The following ATP6V1A variants were observed in gnomAD, a reference collection of about 807,000 sequenced individuals.
ATP6V1A encodes the protein V-type proton ATPase catalytic subunit A.
ATP6V1A carries 18 observed loss-of-function variants against 70.1 expected under a neutral mutation model. The ratio of observed to expected loss-of-function variants is 0.26; its 90% CI spans 0.18 to 0.38. ATP6V1A has a LOEUF of 0.38. Ranked by LOEUF, ATP6V1A falls within the 10% of genes least tolerant of loss-of-function variation. ATP6V1A has a pLI of 1.00. For missense variants in ATP6V1A, 424 were observed against 772.4 expected, an observed-to-expected ratio of 0.55 and a Z score of 5.35; for synonymous variants, 232 against 253.8, an observed-to-expected ratio of 0.91 and a Z score of 0.82.
intron 1 of ATP6V1A, among the ~76,000 whole-genome samples, chr3:113,758,366 A>G (rs1025790397): frequency 1.7e-4 from 26 of 152,232 alleles, no homozygotes; most frequent in African/African-American, 6.0e-4. Flanking sequence ...TGTAATCAAT[A>G]TAGTGAACAT....
chr3:113,753,759 T>G (rs1708616262), intron 1 of ATP6V1A, among the ~76,000 whole-genome samples: 2 of 150,948 alleles, frequency 1.3e-5, no homozygotes, highest in South Asian at 4.2e-4. Flanking sequence ...GTACTGGTGC[T>G]GTCTTGGCTC....
intron 3 of ATP6V1A, among the ~76,000 whole-genome samples, chr3:113,783,756 A>G (rs968609371): frequency 1.3e-5 from 2 of 152,210 alleles, no homozygotes; most frequent in Non-Finnish European, 2.9e-5. Context: ...CAATGATGTC[A>G]TATCTTTGCA....
At chr3:113,778,677 A>T in intron 1 of ATP6V1A, 64 bp from the exon 2 acceptor site, 1 of 894,098 alleles carries the variant, frequency 1.1e-6, no homozygotes. Context: ...TGGACTACCT[A>T]TATTTTGGGT....
Position 113,803,789 on chromosome 3 carries a change from T to G in ATP6V1A, c.1589+112T>G. On this transcript the variant is annotated intron_variant, in intron 13 of 14. Transcript: ENST00000273398. ...CTCATACAGGCTCATACACTCTGAC[T>G]TAGTAGATTGGTTTATTTGTATATT... 3 of 728,046 alleles carry G rather than the reference T, an allele frequency of 4.1e-6. No homozygotes were observed. In the East Asian group the frequency reaches 7.7e-5, roughly 19 times the overall value. 45.1% of individuals were successfully genotyped at this position (728,046 alleles called of 1,614,324 possible).
At chr3:113,770,974 A>T (rs1323332407) in intron 1 of ATP6V1A, among the ~76,000 whole-genome samples, 1 of 151,888 alleles carries the variant, frequency 6.6e-6, no homozygotes, top group Non-Finnish European at 1.5e-5. Flanking sequence ...GCATGCCTGT[A>T]ATTCCAGCTA....
At chr3:113,776,168 G>A (rs949572918) in intron 1 of ATP6V1A, among the ~76,000 whole-genome samples, 1 of 152,100 alleles carries the variant, frequency 6.6e-6, no homozygotes, top group Non-Finnish European at 1.5e-5. Flanking sequence ...AGGCCAATCT[G>A]GGCAACATGG....
intron 12 of ATP6V1A, among the ~76,000 whole-genome samples, chr3:113,800,773 A>T (rs529612966): frequency 4.6e-5 from 7 of 152,312 alleles, no homozygotes; most frequent in African/African-American, 1.7e-4. Context: ...TGATTACATA[A>T]AAAGTAAGCA....
chr3:113,803,696 CT>C lies in ATP6V1A; in HGVS notation c.1589+26del, dbSNP rs1319521018. The C allele has an allele frequency of 1.9e-6, 3 of 1,559,276 alleles. No homozygotes were observed. The highest frequency in any genetic ancestry group is 1.2e-5 in the South Asian group (1 of 85,578). ...ATGACAGGTAAGCTATATTGATTTCCTTTTTTTATTTGAGGATTTTCTGTTG... is the reference window on the plus strand; with the variant it reads ...ATGACAGGTAAGCTATATTGATTTCCTTTTTTATTTGAGGATTTTCTGTTG... On this transcript the variant is annotated intron_variant, in intron 13 of 14. Coordinates refer to ENST00000273398, the MANE Select transcript of ATP6V1A (RefSeq NM_001690.4).
chr3:113,767,825 G>A (rs1054345384), intron 1 of ATP6V1A, among the ~76,000 whole-genome samples: 1 of 152,018 alleles, frequency 6.6e-6, no homozygotes, highest in Non-Finnish European at 1.5e-5. Context: ...TAATGTTTTT[G>A]TATTTTTAGT....
intron 1 of ATP6V1A, among the ~76,000 whole-genome samples, chr3:113,764,675 T>C (rs186996333): frequency 2.6e-5 from 4 of 152,344 alleles, no homozygotes; most frequent in African/African-American, 9.6e-5. Context: ...TTGTTTTTTC[T>C]TTGTAACCTG....
At chr3:113,777,081 A>G (rs1011129220) in intron 1 of ATP6V1A, among the ~76,000 whole-genome samples, 2 of 152,178 alleles carry the variant, frequency 1.3e-5, no homozygotes, top group Non-Finnish European at 2.9e-5. Context: ...TCATGTGTAC[A>G]TGTATTTCAT....
intron 1 of ATP6V1A, among the ~76,000 whole-genome samples, chr3:113,772,901 T>A (rs907618417): frequency 2.7e-5 from 4 of 147,680 alleles, no homozygotes; most frequent in Non-Finnish European, 4.5e-5. Flanking sequence ...AGAATCAGAA[T>A]CATCATCATT....
intron 6 of ATP6V1A, 113 bp downstream of exon 6, chr3:113,786,496 C>T: frequency 9.5e-7 from 1 of 1,050,228 alleles, no homozygotes; most frequent in Non-Finnish European, 1.3e-6. Context: ...TACATTTTAT[C>T]TAGAGTAATA....
intron 8 of ATP6V1A, among the ~76,000 whole-genome samples, chr3:113,790,125 G>A (rs1445633027): frequency 2.0e-5 from 3 of 151,632 alleles, no homozygotes; most frequent in Non-Finnish European, 4.4e-5. Context: ...CAAAAAATTG[G>A]CTGGGCGTGG....
At chr3:113,747,205 T>C (rs1708533012) in intron 1 of ATP6V1A, 92 bp downstream of exon 1, 1 of 151,994 alleles carries the variant, frequency 6.6e-6, no homozygotes, top group Admixed American at 6.6e-5. Flanking sequence ...AACGGCGACT[T>C]TTCTGCCTGA....
At chr3:113,799,798 C>T (rs1229386441) in intron 12 of ATP6V1A, among the ~76,000 whole-genome samples, 8 of 152,010 alleles carry the variant, frequency 5.3e-5, no homozygotes, top group African/African-American at 1.9e-4. Context: ...TTCTCAATAG[C>T]AACAAAAACT....
intron 5 of ATP6V1A, among the ~76,000 whole-genome samples, chr3:113,785,803 G>A (rs913172695): frequency 6.6e-6 from 1 of 150,408 alleles, no homozygotes; most frequent in Non-Finnish European, 1.5e-5. Context: ...CAAGTAGCTG[G>A]GATTACAGGC....
At chr3:113,764,228 G>C (rs951312593) in intron 1 of ATP6V1A, among the ~76,000 whole-genome samples, 3 of 150,964 alleles carry the variant, frequency 2.0e-5, no homozygotes, top group Admixed American at 6.6e-5. Flanking sequence ...GCAAGACCTT[G>C]TCTCAAAAAA....
Position 113,781,176 on chromosome 3 carries a change from CT to C in ATP6V1A, c.211del (p.Ser71LeufsTer18). The C allele has an allele frequency of 6.2e-7, 1 of 1,603,376 alleles. No homozygotes were observed. Among genetic ancestry groups the C allele is most frequent in the Middle Eastern group, 1.7e-4 (1 of 5,990 alleles). ...GCTACTATTCAGGTGTATGAAGAAACTTGTATCCTTTTTGGCTCAATTTCCT... is the reference window on the plus strand; with the variant it reads ...GCTACTATTCAGGTGTATGAAGAAACTGTATCCTTTTTGGCTCAATTTCCT... ...DMATIQVYEETSGVSVGDPVL... is the reference protein window; with the variant it reads ...DMATIQVYEEXSGVSVGDPVL... On this transcript the variant is annotated frameshift_variant and splice_region_variant, in exon 3 of 15. Transcript: ENST00000273398. LOFTEE classifies it high-confidence loss of function.
Sources: gnomAD v4.1 joint callset for allele counts (sites outside exome capture counted in the v4.1 genomes callset) on GRCh38, gnomAD v4.1.1 for gene constraint, MANE v1.5 for transcripts, NCBI Gene and HGNC (gene_info 2026-07-23, HGNC 2026-07-21) for gene names.